The following FGF14 variants were observed in gnomAD, a reference collection of about 807,000 sequenced individuals.
FGF14 encodes fibroblast growth factor 14, also known as fibroblast growth factor homologous factor 4.
FGF14 carries 5 observed loss-of-function variants against 25.5 expected under a neutral mutation model. The observed-to-expected ratio is 0.20, with a 90% CI of 0.10 to 0.41. FGF14 has a LOEUF of 0.41. FGF14 is among the 10% of genes least tolerant of loss of function. The pLI, the probability that FGF14 is intolerant of heterozygous loss-of-function variation, is 1.00. For missense variants in FGF14, 222 were observed against 320.1 expected, an observed-to-expected ratio of 0.69 and a Z score of 2.34; for synonymous variants, 138 against 118.3, an observed-to-expected ratio of 1.17 and a Z score of -1.08.
rs780363189 is a variant in FGF14 at position 102,274,638 on chromosome 13, C to T, written c.208+126833G>A. 4.6e-5 allele frequency among the ~76,000 whole-genome samples: 7 copies of T among 152,086 alleles called. No individual in the cohort carries two copies. The East Asian group carries it at 9.7e-4, about 21-fold the overall frequency. On this transcript the variant is annotated intron_variant, in intron 1 of 4. Transcript: ENST00000376131. ...TATATAATATATTTTTTAAAGAATG[C>T]AGCTTGTTTAGAATGTTAAAAGCCT... is the stretch of plus-strand genomic sequence containing the variant.
chr13:102,242,476 T>C (rs1333774463), intron 1 of FGF14, among the ~76,000 whole-genome samples: 4 of 152,070 alleles, frequency 2.6e-5, no homozygotes, highest in South Asian at 4.1e-4. Context: ...TATCATCTTA[T>C]AGCAGAAAGT....
At chr13:102,189,281 T>C (rs1299896489) in intron 1 of FGF14, among the ~76,000 whole-genome samples, 2 of 152,258 alleles carry the variant, frequency 1.3e-5, no homozygotes, top group East Asian at 3.9e-4. Context: ...GTTTAATTGG[T>C]AGATAGTAAA....
chr13:102,323,168 T>C (rs1312618892), intron 1 of FGF14, among the ~76,000 whole-genome samples: 2 of 152,194 alleles, frequency 1.3e-5, no homozygotes, highest in Non-Finnish European at 1.5e-5. Context: ...TGTTAATCTG[T>C]GTCAGCATTT....
chr13:102,378,633 A>C (rs1566973753), intron 1 of FGF14, among the ~76,000 whole-genome samples: 4 of 141,608 alleles, frequency 2.8e-5, no homozygotes, highest in Non-Finnish European at 4.6e-5. Context: ...CTATCTATCT[A>C]TATATATATA....
intron 1 of FGF14, among the ~76,000 whole-genome samples, chr13:101,999,060 A>C (rs1393779995): frequency 6.6e-6 from 1 of 152,208 alleles, no homozygotes; most frequent in Non-Finnish European, 1.5e-5. Flanking sequence ...TGAAAAACCA[A>C]ATGCTAAGAC....
chr13:102,307,612 C>A (rs1358616254), intron 1 of FGF14, among the ~76,000 whole-genome samples: 1 of 152,070 alleles, frequency 6.6e-6, no homozygotes, highest in Non-Finnish European at 1.5e-5. Flanking sequence ...GTACTAAGTG[C>A]TTCACATAGC....
chr13:101,785,576 A>C (rs1273245345), intron 3 of FGF14, among the ~76,000 whole-genome samples: 1 of 152,114 alleles, frequency 6.6e-6, no homozygotes, highest in African/African-American at 2.4e-5. Flanking sequence ...TTTAAGTTTA[A>C]ACTAAACTAC....
intron 1 of FGF14, among the ~76,000 whole-genome samples, chr13:102,089,238 A>G (rs2044063642): frequency 6.6e-6 from 1 of 152,188 alleles, no homozygotes; most frequent in Non-Finnish European, 1.5e-5. Flanking sequence ...AATTGTTTCC[A>G]TTCTCTGAGG....
rs763228962 is a variant in FGF14, at chr13:102,400,833, G to T, written c.208+638C>A. 6.6e-6 allele frequency among the ~76,000 whole-genome samples: 1 copy of T among 152,044 alleles called. No homozygotes were observed. The highest frequency in any genetic ancestry group is 1.5e-5 in the Non-Finnish European group (1 of 68,006). The stretch of plus-strand genomic sequence containing the variant: ...GCTGGGCTTGTCCTCTCAGTCTGGG[G>T]TTCCCTCCCGGCGCAAGCCTTGCTC... On this transcript the variant is annotated intron_variant, in intron 1 of 4. Coordinates refer to the FGF14 transcript ENST00000376131. This position sits in a 1 kb window ranked among gnomAD's most constrained non-coding sequence, Gnocchi z 4.3.
chr13:102,353,898 C>A (rs540372352), intron 1 of FGF14, among the ~76,000 whole-genome samples: 17 of 152,274 alleles, frequency 1.1e-4, no homozygotes, highest in Middle Eastern at 3.4e-3. Context: ...ACTTCATTCT[C>A]ATTTCTTCTC....
chr13:102,251,077 C>T (rs1353395323), intron 1 of FGF14, among the ~76,000 whole-genome samples: 2 of 152,070 alleles, frequency 1.3e-5, no homozygotes, highest in African/African-American at 2.4e-5. Flanking sequence ...TTTTATTACA[C>T]GAAGTTTTCA....
At chr13:102,171,895 T>G (rs1294644135) in intron 1 of FGF14, among the ~76,000 whole-genome samples, 5 of 106,920 alleles carry the variant, frequency 4.7e-5, no homozygotes, top group Non-Finnish European at 8.4e-5. Context: ...ATTCTAGGTT[T>G]TTTTTTTTTT....
At chr13:102,329,293 C>A (rs533051555) in intron 1 of FGF14, among the ~76,000 whole-genome samples, 1 of 152,098 alleles carries the variant, frequency 6.6e-6, no homozygotes. Context: ...GAAGATTTGG[C>A]TTCTTATTAG....
intron 1 of FGF14, among the ~76,000 whole-genome samples, chr13:102,152,870 T>G (rs909689729): frequency 6.6e-6 from 1 of 152,218 alleles, no homozygotes; most frequent in African/African-American, 2.4e-5. Flanking sequence ...ACATTTAATT[T>G]TAAAAGATGT....
chr13:101,880,615 C>T (rs1300698724), intron 1 of FGF14, among the ~76,000 whole-genome samples: 1 of 152,110 alleles, frequency 6.6e-6, no homozygotes, highest in African/African-American at 2.4e-5. Context: ...ACCCAAACAG[C>T]TCTTGCCCTC....
chr13:102,064,355 T>C (rs570182443), intron 1 of FGF14, among the ~76,000 whole-genome samples: 2 of 152,210 alleles, frequency 1.3e-5, no homozygotes, highest in East Asian at 3.9e-4. Context: ...TAATAGCCTT[T>C]AGATGGGTTC....
chr13:101,897,600 C>G, intron 1 of FGF14, among the ~76,000 whole-genome samples: 1 of 152,170 alleles, frequency 6.6e-6, no homozygotes, highest in East Asian at 1.9e-4. Flanking sequence ...AGATCCCACA[C>G]AAATCTTTAT....
intron 1 of FGF14, among the ~76,000 whole-genome samples, chr13:102,245,597 T>C (rs1462308388): frequency 6.6e-6 from 1 of 152,100 alleles, no homozygotes; most frequent in African/African-American, 2.4e-5. Context: ...TATTTCTATA[T>C]AATTTCCTTT....
At position 101,711,121 on chromosome 13, in the gene FGF14, T is replaced by C. The variant is rs2034445294; in HGVS notation, c.*11710A>G. On this transcript the variant is annotated 3_prime_UTR_variant, in exon 5 of 5. Coordinates refer to ENST00000376143, the MANE Select transcript of FGF14 (RefSeq NM_004115.4). Reference sequence around the variant, plus strand: ...GGGTCTTCCCTAAGCTTAGCTACCTTTGCAAAGTACATGATATAATTCATT... The same window carrying C: ...GGGTCTTCCCTAAGCTTAGCTACCTCTGCAAAGTACATGATATAATTCATT... 1 of 152,228 alleles carries C rather than the reference T, an allele frequency of 6.6e-6. No homozygotes were observed. The highest frequency in any genetic ancestry group is 1.5e-5 in the Non-Finnish European group (1 of 68,048). The allele number at this position is 152,228 out of a possible 1,614,324, so 9.4% of individuals were successfully genotyped here. A position where few individuals can be genotyped will look rare whatever the true frequency, so the allele number is the denominator to read the frequency against.
Sources: allele counts gnomAD v4.1 joint callset (sites outside exome capture counted in the v4.1 genomes callset), GRCh38; gene constraint gnomAD v4.1.1; non-coding constraint Gnocchi (gnomAD v3.1); transcripts MANE v1.5; gene names NCBI Gene and HGNC (gene_info 2026-07-23, HGNC 2026-07-21).